The following CHCHD6 variants were observed in gnomAD, a reference collection of about 807,000 sequenced individuals.
The protein encoded by CHCHD6 is coiled-coil-helix-coiled-coil-helix domain containing 6.
Under a neutral mutation model 32.3 loss-of-function variants are expected in CHCHD6, and 28 were observed. That is an observed-to-expected ratio of 0.87 (90% CI 0.64 to 1.19). CHCHD6 has a LOEUF of 1.19. CHCHD6 is among the 50% of genes most tolerant of loss of function. CHCHD6 has a pLI of 0.00. For missense variants in CHCHD6, 333 were observed against 307.0 expected (o/e 1.08, Z -0.63); for synonymous variants, 122 against 117.5 (o/e 1.04, Z -0.25).
chr3:126,852,784 C>A, intron 5 of CHCHD6, 54 bp downstream of exon 5: 1 of 1,207,506 alleles, frequency 8.3e-7, no homozygotes, highest in Non-Finnish European at 1.2e-6. Context: ...AGGCATCTGA[C>A]CAGAACACAT....
At chr3:126,712,253 G>GTT (rs1934782737) in intron 1 of CHCHD6, among the ~76,000 whole-genome samples, 1 of 152,192 alleles carries the variant, frequency 6.6e-6, no homozygotes, top group African/African-American at 2.4e-5. Context: ...TCACTCTCAA[G>GTT]GGTTTAGTTG....
At chr3:126,875,252 A>G (rs949704799) in intron 5 of CHCHD6, among the ~76,000 whole-genome samples, 1 of 152,160 alleles carries the variant, frequency 6.6e-6, no homozygotes, top group African/African-American at 2.4e-5. Context: ...GTGGGGAAGT[A>G]CCCACCCTGC....
chr3:126,893,254 G>A (rs567377656), intron 5 of CHCHD6, among the ~76,000 whole-genome samples: 3 of 152,334 alleles, frequency 2.0e-5, no homozygotes, highest in East Asian at 1.9e-4. Context: ...GAGCCACAGC[G>A]CCCAGCCAGC....
At chr3:126,763,301 C>T (rs1449663991) in intron 4 of CHCHD6, among the ~76,000 whole-genome samples, 2 of 132,352 alleles carry the variant, frequency 1.5e-5, no homozygotes, top group African/African-American at 5.3e-5. Flanking sequence ...CCTTTTTCCC[C>T]CTCTTCTCCC....
chr3:126,713,933 C>A (rs1418331376), intron 1 of CHCHD6, among the ~76,000 whole-genome samples: 1 of 151,410 alleles, frequency 6.6e-6, no homozygotes, highest in Non-Finnish European at 1.5e-5. Flanking sequence ...AAAAGTTAGC[C>A]GGGCATGGTG....
intron 5 of CHCHD6, among the ~76,000 whole-genome samples, chr3:126,865,118 T>TTCC (rs1313207230): frequency 4.4e-4 from 36 of 81,830 alleles, no homozygotes; most frequent in Non-Finnish European, 6.8e-4. Context: ...CCTCCACTTC[T>TTCC]TCCTCCTCCT....
chr3:126,803,263 G>C (rs1046304877), intron 4 of CHCHD6, among the ~76,000 whole-genome samples: 1 of 152,166 alleles, frequency 6.6e-6, no homozygotes, highest in Non-Finnish European at 1.5e-5. Flanking sequence ...AAAAGACAGA[G>C]AGTGGCAAAT....
chr3:126,915,280 C>T (rs1477459747), intron 6 of CHCHD6, among the ~76,000 whole-genome samples: 2 of 152,226 alleles, frequency 1.3e-5, no homozygotes, highest in African/African-American at 4.8e-5. Flanking sequence ...TCATACAGTC[C>T]TAAGTGCCAG....
intron 4 of CHCHD6, among the ~76,000 whole-genome samples, chr3:126,734,190 C>T (rs949806203): frequency 3.3e-5 from 5 of 152,222 alleles, no homozygotes; most frequent in Non-Finnish European, 5.9e-5. Context: ...AGAGGGGATA[C>T]AGAGGGCTCC....
At chr3:126,942,301 G>T (rs1243014028) in intron 6 of CHCHD6, among the ~76,000 whole-genome samples, 1 of 152,158 alleles carries the variant, frequency 6.6e-6, no homozygotes, top group East Asian at 1.9e-4. Flanking sequence ...TTAGTATTTT[G>T]TGGGGGAGAT....
intron 5 of CHCHD6, among the ~76,000 whole-genome samples, chr3:126,914,369 A>C (rs1237739493): frequency 1.3e-5 from 2 of 152,240 alleles, no homozygotes; most frequent in African/African-American, 2.4e-5. Flanking sequence ...TGAACTAATG[A>C]GCGTGGCTGT....
intron 4 of CHCHD6, chr3:126,766,992 G>A (rs1481276538): frequency 3.2e-5 from 28 of 871,914 alleles, no homozygotes; most frequent in Admixed American, 5.4e-5. Flanking sequence ...CACAGGCTAC[G>A]TCTCACACAG....
intron 4 of CHCHD6, among the ~76,000 whole-genome samples, chr3:126,738,495 T>C (rs1270679054): frequency 6.6e-6 from 1 of 152,254 alleles, no homozygotes; most frequent in East Asian, 1.9e-4. Flanking sequence ...TCCTACATTT[T>C]TATTGTCTTG....
chr3:126,932,590 G>C (rs1442093929), intron 6 of CHCHD6, among the ~76,000 whole-genome samples: 2 of 152,232 alleles, frequency 1.3e-5, no homozygotes, highest in Non-Finnish European at 2.9e-5. Flanking sequence ...AGTCCAGAGA[G>C]CCTGTGGTGG....
intron 1 of CHCHD6, among the ~76,000 whole-genome samples, chr3:126,722,629 G>C (rs182876664): frequency 1.1e-3 from 171 of 152,122 alleles, no homozygotes; most frequent in Non-Finnish European, 2.0e-3. Context: ...TAGATCCTTT[G>C]CCCATTTTTA....
In CHCHD6 at chr3:126,881,044, G is replaced by A. The variant is rs909354744; in HGVS notation, c.495+28314G>A. 1.4e-4 allele frequency among the ~76,000 whole-genome samples: 22 copies of A among 152,220 alleles called. 1 individual carries two copies. Among genetic ancestry groups the A allele is most frequent in the East Asian group, 1.3e-3 (7 of 5,194 alleles). On this transcript the variant is annotated intron_variant, in intron 5 of 7. Transcript: ENST00000290913. The stretch of plus-strand genomic sequence containing the variant: ...CTGAGTCAGATTCTAAATGGGCAGA[G>A]CACACATTTGCAGAACTGCCGACCT...
chr3:126,879,535 A>G (rs1253046393), intron 5 of CHCHD6, among the ~76,000 whole-genome samples: 1 of 152,186 alleles, frequency 6.6e-6, no homozygotes, highest in African/African-American at 2.4e-5. Context: ...AATGTGCCAG[A>G]CTCTTCAAAA....
chr3:126,705,324 G>A (rs1934431702), intron 1 of CHCHD6, among the ~76,000 whole-genome samples: 1 of 152,214 alleles, frequency 6.6e-6, no homozygotes, highest in African/African-American at 2.4e-5. Flanking sequence ...TTGAGGCTAA[G>A]GTTCCTGTCT....
At chr3:126,881,177 C>T (rs1404543382) in intron 5 of CHCHD6, among the ~76,000 whole-genome samples, 1 of 152,278 alleles carries the variant, frequency 6.6e-6, no homozygotes, top group Non-Finnish European at 1.5e-5. Flanking sequence ...CACTCTCCAA[C>T]TGTCCTCGTA....
Sources: gnomAD v4.1 joint callset for allele counts (sites outside exome capture counted in the v4.1 genomes callset) on GRCh38, gnomAD v4.1.1 for gene constraint, MANE v1.5 for transcripts, NCBI Gene and HGNC (gene_info 2026-07-23, HGNC 2026-07-21) for gene names.